Variants in RBFOX1 observed in about 807,000 individuals in gnomAD.
RBFOX1 encodes RNA binding protein fox-1 homolog 1.
Under a neutral mutation model 57.7 loss-of-function variants are expected in RBFOX1, and 8 were observed. The ratio of observed to expected loss-of-function variants is 0.14; its 90% CI spans 0.08 to 0.25. The LOEUF is 0.25. RBFOX1 is among the 10% of genes least tolerant of loss of function. RBFOX1 has a pLI of 1.00. For synonymous variants in RBFOX1, 326 were observed against 222.4 expected (o/e 1.47, Z -4.15); for missense variants, 611 against 548.5 (o/e 1.11, Z -1.14).
At chr16:7,582,210 A>G (rs941185754) in intron 6 of RBFOX1, among the ~76,000 whole-genome samples, 9 of 152,182 alleles carry the variant, frequency 5.9e-5, no homozygotes, top group African/African-American at 1.4e-4. Flanking sequence ...TTTTCAAGCA[A>G]CTGACAAGAT....
chr16:6,019,973 G>C lies in RBFOX1; in HGVS notation c.-146G>C. 1.3e-6 allele frequency: 2 copies of C among 1,530,330 alleles called. No individual in the cohort carries two copies. Among genetic ancestry groups the C allele is most frequent in the South Asian group, 1.2e-5 (1 of 83,568 alleles). The allele number at this position is 1,530,330 out of a possible 1,614,324, so 94.8% of individuals were successfully genotyped here. On this transcript the variant is annotated 5_prime_UTR_variant, in exon 1 of 16. Transcript: ENST00000550418. The surrounding 1 kb of genome is among the most constrained non-coding windows in gnomAD (Gnocchi z 4.2). ...TGGGGCCGAGAACGTGACCGCAGCC[G>C]GGCTCGCCGGGAGTTCTAGGTAAGT...
intron 2 of RBFOX1, among the ~76,000 whole-genome samples, chr16:6,360,751 A>G (rs1295918554): frequency 1.3e-5 from 2 of 152,150 alleles, no homozygotes; most frequent in African/African-American, 2.4e-5. Context: ...GAAGCTATTC[A>G]TTTGTTTTTC....
At chr16:7,600,082 C>T (rs991450258) in intron 9 of RBFOX1, among the ~76,000 whole-genome samples, 2 of 152,160 alleles carry the variant, frequency 1.3e-5, no homozygotes, top group Non-Finnish European at 2.9e-5. Flanking sequence ...TGTGCAACCT[C>T]GTGTTCCTGC....
chr16:5,861,710 T>G (rs544462659), intron 3 of RBFOX1, among the ~76,000 whole-genome samples: 1 of 152,292 alleles, frequency 6.6e-6, no homozygotes, highest in East Asian at 1.9e-4. Context: ...CACAGGGCAT[T>G]TGTTGCTATT....
intron 3 of RBFOX1, among the ~76,000 whole-genome samples, chr16:6,797,873 A>T (rs1167092798): frequency 6.6e-6 from 1 of 152,126 alleles, no homozygotes; most frequent in African/African-American, 2.4e-5. Context: ...ATTTCTACTA[A>T]CTGGTAGCTA....
intron 3 of RBFOX1, among the ~76,000 whole-genome samples, chr16:5,683,637 G>C (rs891513580): frequency 1.3e-5 from 2 of 151,920 alleles, no homozygotes; most frequent in Non-Finnish European, 2.9e-5. Flanking sequence ...AAGTTCTTTA[G>C]TTCTGGGACT....
intron 3 of RBFOX1, among the ~76,000 whole-genome samples, chr16:6,934,572 AAC>A (rs1260661299): frequency 2.6e-5 from 4 of 152,216 alleles, no homozygotes; most frequent in Non-Finnish European, 5.9e-5. Context: ...TTAAAAAGAT[AAC>A]AAAGTCATGT....
chr16:5,784,782 TGGTTTTTCTGCCATGTGAGG>T (rs2054443563), intron 3 of RBFOX1, among the ~76,000 whole-genome samples: 1 of 152,126 alleles, frequency 6.6e-6, no homozygotes, highest in East Asian at 1.9e-4. Flanking sequence ...AGAGCTGCCT[TGGTTTTTCTGCCATGTGAGG>T]ACATGGCGCA....
rs145535685 is a variant in RBFOX1, at chr16:7,470,662, G to A, written c.28-47485G>A. Among the ~76,000 whole-genome samples the A allele has an allele frequency of 2.4e-4, 36 of 152,166 alleles. No individual in the cohort carries two copies. In the East Asian group the frequency reaches 4.6e-3, roughly 20 times the overall value. ...TGAGTGGATAGACGGATGAGTGTAC[G>A]TATGTATGTATGGTTAGATGGAAGA... On this transcript the variant is annotated intron_variant, in intron 4 of 15. Coordinates refer to ENST00000550418, the MANE Select transcript of RBFOX1 (RefSeq NM_018723.4).
chr16:5,610,377 C>G (rs1207961109), intron 3 of RBFOX1: 2 of 152,224 alleles, frequency 1.3e-5, no homozygotes, highest in Non-Finnish European at 2.9e-5. Flanking sequence ...CCCCGTTTAA[C>G]AGAAGAGCAA....
chr16:6,507,498 C>G (rs1458430762), intron 2 of RBFOX1, among the ~76,000 whole-genome samples: 1 of 79,114 alleles, frequency 1.3e-5, no homozygotes, highest in African/African-American at 5.5e-5. Flanking sequence ...TAACAAGACC[C>G]TATCTGTACA....
intron 4 of RBFOX1, among the ~76,000 whole-genome samples, chr16:7,079,651 C>G (rs1161447005): frequency 6.6e-6 from 1 of 152,008 alleles, no homozygotes; most frequent in Non-Finnish European, 1.5e-5. Flanking sequence ...GAGAGACAGC[C>G]AGGAAGATGA....
intron 1 of RBFOX1, among the ~76,000 whole-genome samples, chr16:5,413,524 A>G (rs535617004): frequency 7.6e-4 from 116 of 152,334 alleles, no homozygotes; most frequent in Non-Finnish European, 1.5e-3. Context: ...AGCTGATCAT[A>G]TATCAGGGAG....
At chr16:5,470,390 A>G (rs2069094761) in intron 2 of RBFOX1, among the ~76,000 whole-genome samples, 1 of 151,964 alleles carries the variant, frequency 6.6e-6, no homozygotes, top group Non-Finnish European at 1.5e-5. Flanking sequence ...TAACCTCTAA[A>G]CGTTGGGAAG....
At chr16:6,687,822 C>T (rs1011431756) in intron 3 of RBFOX1, among the ~76,000 whole-genome samples, 7 of 152,124 alleles carry the variant, frequency 4.6e-5, no homozygotes, top group African/African-American at 1.4e-4. Context: ...GTCACATGGG[C>T]CCAACCTAAC....
chr16:7,680,431 G>T (rs2074438392), intron 14 of RBFOX1, among the ~76,000 whole-genome samples: 1 of 152,128 alleles, frequency 6.6e-6, no homozygotes, highest in East Asian at 1.9e-4. Flanking sequence ...ATTTCCTAAT[G>T]ATCAGTGCAT....
intron 4 of RBFOX1, among the ~76,000 whole-genome samples, chr16:7,494,830 CTTTTTTTTT>C (rs61434992): frequency 1.6e-5 from 2 of 125,444 alleles, no homozygotes; most frequent in African/African-American, 6.2e-5. Flanking sequence ...GTGTTACCTA[CTTTTTTTTT>C]TTTTTTTTTT....
At chr16:5,392,135 A>C (rs2066428579) in intron 1 of RBFOX1, among the ~76,000 whole-genome samples, 1 of 152,032 alleles carries the variant, frequency 6.6e-6, no homozygotes, top group African/African-American at 2.4e-5. Context: ...TCAGGGGGAA[A>C]GGATGGGAGG....
intron 4 of RBFOX1, among the ~76,000 whole-genome samples, chr16:7,141,402 C>T (rs539119073): frequency 4.0e-5 from 6 of 151,194 alleles, no homozygotes; most frequent in African/African-American, 7.4e-5. Flanking sequence ...ACAGCTTGGG[C>T]GGCAGCTAGA....
Sources: allele counts gnomAD v4.1 joint callset (sites outside exome capture counted in the v4.1 genomes callset), GRCh38; gene constraint gnomAD v4.1.1; non-coding constraint Gnocchi (gnomAD v3.1); transcripts MANE v1.5; gene names NCBI Gene and HGNC (gene_info 2026-07-23, HGNC 2026-07-21).